The following MYL3 variants were observed in gnomAD, a reference collection of about 807,000 sequenced individuals.
The protein encoded by MYL3 is myosin light chain 3, also known as CMLC1.
A neutral mutation model predicts 21.3 loss-of-function variants in MYL3; 11 were observed. The ratio of observed to expected loss-of-function variants is 0.52; its 90% CI spans 0.32 to 0.85. The LOEUF is 0.85. Ranked by LOEUF, MYL3 falls within the 40% of genes least tolerant of loss-of-function variation. The pLI is 0.03. For synonymous variants in MYL3, 88 were observed against 91.6 expected, an observed-to-expected ratio of 0.96 and a Z score of 0.22; for missense variants, 206 against 253.3, an observed-to-expected ratio of 0.81 and a Z score of 1.27.
At chr3:46,869,149 C>T (rs971982597) in intron 1 of MYL3, among the ~76,000 whole-genome samples, 1 of 152,222 alleles carries the variant, frequency 6.6e-6, no homozygotes, top group African/African-American at 2.4e-5. Flanking sequence ...TGTGGCCTCC[C>T]TGAACTGCCC....
At chr3:46,868,512 T>A (rs1702071550) in intron 1 of MYL3, among the ~76,000 whole-genome samples, 1 of 152,164 alleles carries the variant, frequency 6.6e-6, no homozygotes, top group Non-Finnish European at 1.5e-5. Context: ...AGGCAAACCC[T>A]GGTTTTGGCC....
intron 1 of MYL3, among the ~76,000 whole-genome samples, chr3:46,877,197 G>A (rs1013228972): frequency 4.6e-5 from 7 of 152,026 alleles, no homozygotes; most frequent in Non-Finnish European, 7.4e-5. Context: ...GTGGAATGAC[G>A]GCCCCCTCCA....
At chr3:46,881,370 C>A (rs1007555829) in intron 1 of MYL3, among the ~76,000 whole-genome samples, 1 of 152,202 alleles carries the variant, frequency 6.6e-6, no homozygotes. Flanking sequence ...CCCGCGGACT[C>A]CTCCTTGCCT....
upstream of MYL3, among the ~76,000 whole-genome samples, chr3:46,866,932 G>A (rs1702052393): frequency 6.6e-6 from 1 of 152,170 alleles, no homozygotes; most frequent in Non-Finnish European, 1.5e-5. Flanking sequence ...AGCAGGGGGC[G>A]CAGAAGGGAT....
chr3:46,865,080 G>C (rs1003634585), upstream of MYL3, among the ~76,000 whole-genome samples: 2 of 152,120 alleles, frequency 1.3e-5, no homozygotes, highest in African/African-American at 2.4e-5. This position sits in a 1 kb window ranked among gnomAD's most constrained non-coding sequence, Gnocchi z 4.3. Flanking sequence ...AGGTGCTGTG[G>C]GGCCCAGGGC....
upstream of MYL3, chr3:46,863,470 T>G: frequency 4.0e-6 from 6 of 1,500,194 alleles, no homozygotes; most frequent in Non-Finnish European, 5.5e-6. Flanking sequence ...CCCAGGCCTT[T>G]ATCCTGCCCG....
At chr3:46,864,624 C>G (rs1005811708), upstream of MYL3, among the ~76,000 whole-genome samples, 3 of 152,202 alleles carry the variant, frequency 2.0e-5, no homozygotes, top group African/African-American at 7.2e-5. The surrounding 1 kb of genome is among the most constrained non-coding windows in gnomAD (Gnocchi z 4.7). Flanking sequence ...ATGTTGCCCT[C>G]TGCCGACCCT....
At chr3:46,863,479 C>T (rs946254676), upstream of MYL3, 3 of 1,435,854 alleles carry the variant, frequency 2.1e-6, no homozygotes, top group East Asian at 2.4e-5. Flanking sequence ...TTATCCTGCC[C>T]GGATACCTCA....
At chr3:46,881,868 G>A (rs939005645) in intron 1 of MYL3, among the ~76,000 whole-genome samples, 1 of 152,032 alleles carries the variant, frequency 6.6e-6, no homozygotes, top group African/African-American at 2.4e-5. Context: ...GTACCGGGCA[G>A]CCTCCTCAGG....
chr3:46,869,889 AC>A (rs752074030), intron 1 of MYL3, among the ~76,000 whole-genome samples: 24 of 152,176 alleles, frequency 1.6e-4, no homozygotes, highest in Non-Finnish European at 3.2e-4. Flanking sequence ...GAGTGGATGG[AC>A]CGACTGTCTC....
In MYL3 at chr3:46,874,730, C is replaced by A. The variant is rs186710232; in HGVS notation, c.-218+7344G>T. The stretch of plus-strand genomic sequence containing the variant: ...GAGGGGGTATTCCGAGGCACAGACC[C>A]CCCCCCACACACACAATAGGGACGC... On this transcript the variant is annotated intron_variant, in intron 1 of 3. Transcript: ENST00000431168. The surrounding 1 kb of genome is among the most constrained non-coding windows in gnomAD (Gnocchi z 4.1). 6.6e-6 allele frequency among the ~76,000 whole-genome samples: 1 copy of A among 151,874 alleles called. No homozygotes were observed. The highest frequency in any genetic ancestry group is 1.9e-4 in the East Asian group (1 of 5,176).
chr3:46,867,056 T>C (rs1281343768), upstream of MYL3, among the ~76,000 whole-genome samples: 1 of 151,188 alleles, frequency 6.6e-6, no homozygotes. Context: ...GTCTCACAAT[T>C]TGAGTGCCAA....
rs864622538 is a variant in MYL3 at position 46,858,435 on chromosome 3, C to G, written c.508G>C (p.Glu170Gln). 3 of 1,613,872 alleles carry G rather than the reference C, an allele frequency of 1.9e-6. No individual in the cohort carries two copies. The highest frequency in any genetic ancestry group is 3.3e-4 in the Middle Eastern group (2 of 6,062). ...TCCTCTTGCCCAGCCATCAACTTCT[C>G]CACTTCGTCTTCTGTCAGCCTCTCA... ...LGERLTEDEV[E>Q]KLMAGQEDSN... Residue 170 changes from glutamate (E) to glutamine (Q), a missense_variant, in exon 5 of 7, where the codon GAG (glutamate) becomes CAG (glutamine). Glu to Gln is a conservative substitution (Grantham distance 29). Transcript: ENST00000292327.
Position 46,859,674 on chromosome 3 carries a change from AGGGTCTAAGGCTG to A in MYL3, c.308-39_308-27del. On this transcript the variant is annotated intron_variant, in intron 3 of 6. Transcript: ENST00000292327. The surrounding 1 kb of genome is among the most constrained non-coding windows in gnomAD (Gnocchi z 4.1). The stretch of plus-strand genomic sequence containing the variant: ...CTGCAGAGAAATGGTCCCAGGTTCC[AGGGTCTAAGGCTG>A]GGGTGGGCACACCCCTCCCCCATGC... 6.2e-7 allele frequency: 1 copy of A among 1,614,012 alleles called. No homozygotes were observed. Among genetic ancestry groups the A allele is most frequent in the Non-Finnish European group, 8.5e-7 (1 of 1,179,894 alleles).
At chr3:46,880,903 G>A (rs1167280333) in intron 1 of MYL3, among the ~76,000 whole-genome samples, 1 of 152,166 alleles carries the variant, frequency 6.6e-6, no homozygotes, top group African/African-American at 2.4e-5. Context: ...TGCACTGAGG[G>A]TTGGAGGGCA....
intron 1 of MYL3, among the ~76,000 whole-genome samples, chr3:46,868,751 C>T (rs1236324847): frequency 6.6e-6 from 1 of 152,256 alleles, no homozygotes; most frequent in Non-Finnish European, 1.5e-5. Flanking sequence ...ATGGCCCTGA[C>T]TTCTCAGGGG....
At chr3:46,870,126 G>A (rs1006503158) in intron 1 of MYL3, among the ~76,000 whole-genome samples, 1 of 152,060 alleles carries the variant, frequency 6.6e-6, no homozygotes, top group Non-Finnish European at 1.5e-5. Flanking sequence ...AGGAAAGGAT[G>A]TACCTTCCTG....
chr3:46,869,553 G>A (rs769315858), intron 1 of MYL3, among the ~76,000 whole-genome samples: 4 of 152,242 alleles, frequency 2.6e-5, no homozygotes, highest in East Asian at 1.9e-4. Context: ...GTGACTGGAC[G>A]GGTGTGGATA....
At chr3:46,881,123 G>A (rs2030529538) in intron 1 of MYL3, 1 of 152,280 alleles carries the variant, frequency 6.6e-6, no homozygotes, top group Admixed American at 6.5e-5. Flanking sequence ...CAACTGGTAA[G>A]CGGGCAAGCA....
Sources: gnomAD v4.1 joint callset for allele counts (sites outside exome capture counted in the v4.1 genomes callset) on GRCh38, gnomAD v4.1.1 for gene constraint, Gnocchi (gnomAD v3.1) non-coding constraint, MANE v1.5 for transcripts, NCBI Gene and HGNC (gene_info 2026-07-23, HGNC 2026-07-21) for gene names.